MSANTD1: variants seen among roughly 807,000 people sequenced by gnomAD.
MSANTD1 encodes Myb/SANT DNA binding domain containing 1.
In MSANTD1, 7 loss-of-function variants were observed where a neutral mutation model predicts 24.2. The ratio of observed to expected loss-of-function variants is 0.29; its 90% confidence interval spans 0.16 to 0.54. MSANTD1 has a LOEUF of 0.54. Among genes scored for constraint, MSANTD1 ranks in the 20% least tolerant of loss-of-function variants. The probability of loss-of-function intolerance (pLI) is 0.94; values close to 1 mark genes in which losing one functional copy is unlikely to be tolerated. For synonymous variants in MSANTD1, 177 were observed against 181.1 expected (o/e 0.98, Z 0.18); for missense variants, 384 against 408.2 (o/e 0.94, Z 0.51).
chr4:3,251,648 C>T (rs957546955), intron 1 of MSANTD1, among the ~76,000 whole-genome samples: 3 of 151,986 alleles, frequency 2.0e-5, no homozygotes, highest in Admixed American at 6.6e-5. Flanking sequence ...TTCTTTATAC[C>T]CGCAGTCTCC....
At chr4:3,254,133 G>A (rs1722316214) in intron 2 of MSANTD1, among the ~76,000 whole-genome samples, 1 of 152,216 alleles carries the variant, frequency 6.6e-6, no homozygotes, top group South Asian at 2.1e-4. Context: ...CTTTTGAGGA[G>A]GGGACATTTG....
chr4:3,253,452 G>A lies in MSANTD1; in HGVS notation c.566G>A (p.Ser189Asn), dbSNP rs749988220. Residue 189 changes from serine (S) to asparagine (N), a missense_variant, in exon 2 of 3, where the codon AGC (serine) becomes AAC (asparagine). Ser to Asn is a conservative substitution (Grantham distance 46). Transcript: ENST00000438480. ...CGCTTCGAGGATGATCGCTCCGACA[G>A]CTCCTCCAGCTTACTGTCCCTTAAG... ...EGRFEDDRSD[S>N]SSSLLSLKFR... The A allele has an allele frequency of 3.2e-6, 5 of 1,573,550 alleles. No homozygotes were observed. Among genetic ancestry groups the A allele is most frequent in the Non-Finnish European group, 3.5e-6 (4 of 1,154,992 alleles).
At position 3,256,045 on chromosome 4, in the gene MSANTD1, G is replaced by T. The variant is rs1035682476; in HGVS notation, c.*80G>T. ...ACCCAGGGCAGGCCACTCAGGCCAG[G>T]CGGGCAAGGGGGCCGCCCCGCGAGC... On this transcript the variant is annotated 3_prime_UTR_variant, in exon 3 of 3. Transcript: ENST00000438480. 7.1e-7 allele frequency: 1 copy of T among 1,398,788 alleles called. No individual in the cohort carries two copies. Among genetic ancestry groups the T allele is most frequent in the Non-Finnish European group, 9.2e-7 (1 of 1,081,206 alleles). 86.6% of individuals were successfully genotyped at this position (1,398,788 alleles called of 1,614,324 possible). A position where few individuals can be genotyped will look rare whatever the true frequency, so the allele number is the denominator to read the frequency against.
chr4:3,249,729 G>GC (rs1244651796), intron 1 of MSANTD1, among the ~76,000 whole-genome samples, 187 bp downstream of exon 1: 1 of 152,248 alleles, frequency 6.6e-6, no homozygotes, highest in African/African-American at 2.4e-5. Flanking sequence ...CGTGTGTGCA[G>GC]CCTTCCATTG....
intron 2 of MSANTD1, among the ~76,000 whole-genome samples, chr4:3,255,380 C>T (rs184031557): frequency 7.2e-5 from 11 of 152,226 alleles, no homozygotes; most frequent in East Asian, 1.9e-4. Context: ...CCCGCCACAA[C>T]GCCTGGCTAA....
chr4:3,250,910 C>T (rs1349258625), intron 1 of MSANTD1, among the ~76,000 whole-genome samples: 3 of 152,254 alleles, frequency 2.0e-5, no homozygotes, highest in Non-Finnish European at 2.9e-5. Context: ...AGCAAGGCCC[C>T]GGACAGACCG....
upstream of MSANTD1, chr4:3,248,619 C>G (rs1722110325): frequency 2.0e-5 from 3 of 152,736 alleles, no homozygotes; most frequent in African/African-American, 4.8e-5. Context: ...GGGGCTGGAG[C>G]AAGAGAAGCA....
chr4:3,249,342 C>A lies in MSANTD1; in HGVS notation c.120C>A (p.His40Gln), dbSNP rs778138030. The A allele has an allele frequency of 6.4e-7, 1 of 1,551,096 alleles. No homozygotes were observed. The highest frequency in any genetic ancestry group is 1.4e-5 in the African/African-American group (1 of 73,414). ...TCGTGTCTCCCCAGGCGGAGAAGCACCGGCGGGCCCGCAACTGGACGGACG... is the reference window on the plus strand; with the variant it reads ...TCGTGTCTCCCCAGGCGGAGAAGCAACGGCGGGCCCGCAACTGGACGGACG... Reference protein sequence around the residue: ...GYLVSPQAEKHRRARNWTDAE... With the variant: ...GYLVSPQAEKQRRARNWTDAE... Residue 40 changes from histidine to glutamine, a missense_variant, in exon 1 of 3, where the codon CAC becomes CAA. His to Gln is a conservative substitution (Grantham distance 24, BLOSUM62 0). Transcript: ENST00000438480.
intron 2 of MSANTD1, among the ~76,000 whole-genome samples, chr4:3,254,211 A>T (rs1722317992): frequency 6.6e-6 from 1 of 152,110 alleles, no homozygotes; most frequent in Non-Finnish European, 1.5e-5. Context: ...TGTGGATTTG[A>T]GTCACAGCTT....
rs114339539 is a variant in MSANTD1, at chr4:3,250,169, C to T, written c.320+627C>T. ...CCAGGTGAGGTGCAGGACCAGCCAG[C>T]GCATGGGTGGGGCTTACGGTGCGAA... On this transcript the variant is annotated intron_variant, in intron 1 of 2. Coordinates refer to ENST00000438480, the MANE Select transcript of MSANTD1 (RefSeq NM_001042690.2). 3.8e-3 allele frequency among the ~76,000 whole-genome samples: 571 copies of T among 152,044 alleles called. 8 individuals carry two copies. Among genetic ancestry groups the T allele is most frequent in the African/African-American group, 0.013 (537 of 41,478 alleles).
chr4:3,250,003 C>T (rs991810394), intron 1 of MSANTD1, among the ~76,000 whole-genome samples: 4 of 152,204 alleles, frequency 2.6e-5, no homozygotes, highest in Non-Finnish European at 5.9e-5. Context: ...GGGCCTACTG[C>T]GTCATTGGGG....
upstream of MSANTD1, among the ~76,000 whole-genome samples, chr4:3,245,618 G>C (rs559505850): frequency 6.6e-6 from 1 of 152,362 alleles, no homozygotes; most frequent in East Asian, 1.9e-4. Context: ...TGAGCACCGT[G>C]ACAGTGTCTG....
At chr4:3,252,874 G>T (rs1005961149) in intron 1 of MSANTD1, among the ~76,000 whole-genome samples, 1 of 152,224 alleles carries the variant, frequency 6.6e-6, no homozygotes, top group Non-Finnish European at 1.5e-5. Context: ...AGCAGTATTT[G>T]CTCATTGCAG....
chr4:3,255,679 C>T, intron 2 of MSANTD1, 46 bp from the exon 3 acceptor site: 2 of 1,484,302 alleles, frequency 1.3e-6, no homozygotes, highest in Non-Finnish European at 1.8e-6. Flanking sequence ...CCTGGTGTGC[C>T]CAGGCTCTGT....
At chr4:3,249,939 C>T (rs1210588847) in intron 1 of MSANTD1, among the ~76,000 whole-genome samples, 4 of 152,204 alleles carry the variant, frequency 2.6e-5, no homozygotes, top group South Asian at 2.1e-4. Context: ...AGGGAGGCGG[C>T]GGCTGCCAGT....
chr4:3,255,319 G>A (rs1412651703), intron 2 of MSANTD1, among the ~76,000 whole-genome samples: 3 of 151,536 alleles, frequency 2.0e-5, no homozygotes, highest in African/African-American at 4.9e-5. Flanking sequence ...CGCCTCGTGG[G>A]TTCAAGCGAT....
chr4:3,247,143 A>G (rs2798229), upstream of MSANTD1, among the ~76,000 whole-genome samples: 151,001 of 152,264 alleles, frequency 0.99, 74,884 homozygotes, highest in Middle Eastern at 1. Flanking sequence ...GGGCACGTAG[A>G]GGCCCCATGA....
rs1160868797 is a variant in MSANTD1, at chr4:3,249,281, C to T, written c.59C>T (p.Ala20Val). The T allele has an allele frequency of 2.6e-6, 4 of 1,519,898 alleles. No homozygotes were observed. Among genetic ancestry groups the T allele is most frequent in the Non-Finnish European group, 2.7e-6 (3 of 1,129,490 alleles). 94.2% of individuals were successfully genotyped at this position (1,519,898 alleles called of 1,614,324 possible). The change falls in exon 1 of 3, where the codon GCC (alanine) becomes GTC (valine). Residue 20 changes from alanine (A) to valine (V), a missense_variant. Transcript: ENST00000438480. Reference protein sequence around the residue: ...SLSALSHPTGASGMAAAEGPG... With the variant: ...SLSALSHPTGVSGMAAAEGPG... The stretch of plus-strand genomic sequence containing the variant: ...AGCGCGCTCTCTCACCCCACAGGCG[C>T]CTCCGGCATGGCGGCGGCCGAGGGG...
intron 1 of MSANTD1, among the ~76,000 whole-genome samples, chr4:3,250,819 C>T (rs956295778): frequency 3.3e-5 from 5 of 152,186 alleles, no homozygotes. Flanking sequence ...CCCACTGCCC[C>T]CCTCAGGCGA....
Sources: gnomAD v4.1 joint callset for allele counts (sites outside exome capture counted in the v4.1 genomes callset) on GRCh38, gnomAD v4.1.1 for gene constraint, MANE v1.5 for transcripts, NCBI Gene and HGNC (gene_info 2026-07-23, HGNC 2026-07-21) for gene names.